Variants in TTC17 observed in about 807,000 individuals in gnomAD.
TTC17 encodes tetratricopeptide repeat protein 17.
In TTC17, 58 loss-of-function variants were observed where a neutral mutation model predicts 143.8. The observed-to-expected ratio is 0.40, with a 90% CI of 0.33 to 0.50. The LOEUF (loss-of-function observed/expected upper bound fraction) is 0.50, where lower values mean the gene tolerates loss of function less well. TTC17 is among the 20% of genes least tolerant of loss of function. The probability of loss-of-function intolerance (pLI) is 0.49; values close to 1 mark genes in which losing one functional copy is unlikely to be tolerated. For synonymous variants in TTC17, 501 were observed against 497.8 expected (o/e 1.01, Z -0.09); for missense variants, 1,273 against 1,392.5 (o/e 0.91, Z 1.37).
chr11:43,456,179 A>G (rs1947758684), intron 21 of TTC17, among the ~76,000 whole-genome samples: 1 of 146,314 alleles, frequency 6.8e-6, no homozygotes, highest in East Asian at 2.0e-4. Context: ...TTAGCACAAT[A>G]ACACACACAC....
intron 2 of TTC17, among the ~76,000 whole-genome samples, chr11:43,380,015 G>A (rs1856906009): frequency 6.6e-6 from 1 of 151,712 alleles, no homozygotes; most frequent in Non-Finnish European, 1.5e-5. Flanking sequence ...GTAAGTTGTA[G>A]AAACATTAAA....
At chr11:43,450,503 T>C (rs1298590188) in intron 20 of TTC17, among the ~76,000 whole-genome samples, 1 of 152,172 alleles carries the variant, frequency 6.6e-6, no homozygotes, top group Non-Finnish European at 1.5e-5. Context: ...TGCCATCAAA[T>C]ACCAACTCTT....
chr11:43,361,978 CT>C (rs35924919), intron 1 of TTC17, among the ~76,000 whole-genome samples: 587 of 134,970 alleles, frequency 4.3e-3, no homozygotes, highest in Middle Eastern at 0.011. Context: ...ATCATTATAA[CT>C]TTTTTTTTTT....
At chr11:43,400,280 A>G (rs1213171775) in intron 9 of TTC17, among the ~76,000 whole-genome samples, 3 of 152,154 alleles carry the variant, frequency 2.0e-5, no homozygotes, top group Non-Finnish European at 4.4e-5. Flanking sequence ...AGTCTTGTAG[A>G]TCCTAGAAGT....
chr11:43,398,247 T>G, intron 8 of TTC17, 134 bp downstream of exon 8: 1 of 1,123,906 alleles, frequency 8.9e-7, no homozygotes. Flanking sequence ...AGTCCTATCC[T>G]TTTTCTGTAA....
intron 16 of TTC17, among the ~76,000 whole-genome samples, chr11:43,423,115 TG>T (rs1240970531): frequency 6.6e-6 from 1 of 152,104 alleles, no homozygotes; most frequent in Non-Finnish European, 1.5e-5. Flanking sequence ...GATGTGATGG[TG>T]GGACTTCTGG....
intron 16 of TTC17, chr11:43,436,468 C>T (rs961350409): frequency 2.0e-5 from 16 of 785,936 alleles, no homozygotes; most frequent in Middle Eastern, 4.2e-4. Context: ...TGAGGGTGAC[C>T]CCTAGGTGGT....
intron 16 of TTC17, among the ~76,000 whole-genome samples, chr11:43,438,577 A>G (rs1438330005): frequency 6.6e-6 from 1 of 152,232 alleles, no homozygotes; most frequent in Non-Finnish European, 1.5e-5. Flanking sequence ...ACTTGCCTTC[A>G]GAAGCCACAA....
At chr11:43,462,921 C>CTTTTTTTTTTTTTT (rs562594929) in intron 21 of TTC17, among the ~76,000 whole-genome samples, 6 of 117,738 alleles carry the variant, frequency 5.1e-5, no homozygotes, top group African/African-American at 1.2e-4. Flanking sequence ...TGACAAAATT[C>CTTTTTTTTTTTTTT]TTTTTTTTTT....
chr11:43,380,530 CAG>C (rs1345852922), intron 2 of TTC17, among the ~76,000 whole-genome samples: 1 of 151,944 alleles, frequency 6.6e-6, no homozygotes, highest in Non-Finnish European at 1.5e-5. Context: ...GCTGGGATTA[CAG>C]GCATGAGTCA....
intron 18 of TTC17, chr11:43,446,327 T>C: frequency 2.8e-6 from 1 of 359,640 alleles, no homozygotes; most frequent in East Asian, 8.4e-5. Context: ...CTCTTTCCTC[T>C]GTGCAATTGT....
intron 1 of TTC17, among the ~76,000 whole-genome samples, chr11:43,369,750 G>C (rs1856490809): frequency 6.6e-6 from 1 of 151,824 alleles, no homozygotes; most frequent in Admixed American, 6.6e-5. Flanking sequence ...CCGAGTAGCT[G>C]GGACTACAGG....
chr11:43,392,975 C>T (rs966177898), intron 5 of TTC17, among the ~76,000 whole-genome samples: 2 of 152,182 alleles, frequency 1.3e-5, no homozygotes, highest in Non-Finnish European at 2.9e-5. Context: ...TAAGCCACAG[C>T]AAAGGCTCTG....
At chr11:43,375,664 A>T (rs1856738430) in intron 1 of TTC17, among the ~76,000 whole-genome samples, 1 of 151,544 alleles carries the variant, frequency 6.6e-6, no homozygotes. Flanking sequence ...AAACAGTGAA[A>T]GTGTTCAGTA....
intron 21 of TTC17, among the ~76,000 whole-genome samples, chr11:43,489,306 C>G (rs1705701736): frequency 1.3e-5 from 2 of 152,184 alleles, no homozygotes; most frequent in Admixed American, 1.3e-4. Context: ...GTCAACTCTA[C>G]TCATAAGAAA....
intron 21 of TTC17, among the ~76,000 whole-genome samples, chr11:43,453,936 A>G (rs979581975): frequency 2.0e-5 from 3 of 152,196 alleles, no homozygotes; most frequent in African/African-American, 7.2e-5. Flanking sequence ...ATTATAGAGT[A>G]TCAGCTGTTT....
At position 43,372,221 on chromosome 11, in the gene TTC17, C is replaced by CA. The variant is rs201134446; in HGVS notation, c.160-7005dup. Among the ~76,000 whole-genome samples, 1,184 of 150,580 alleles carry CA rather than the reference C, an allele frequency of 7.9e-3. 10 individuals carry two copies. Among genetic ancestry groups the CA allele is most frequent in the Non-Finnish European group, 0.014 (917 of 67,652 alleles). Reference sequence around the variant, plus strand: ...AGCAAAAACTGTAAATTTACAAATGCAAAAAAATAGTATAGTTCCTTTAAC... The same window carrying CA: ...AGCAAAAACTGTAAATTTACAAATGCAAAAAAAATAGTATAGTTCCTTTAAC... On this transcript the variant is annotated intron_variant, in intron 1 of 23. Coordinates refer to ENST00000039989, the MANE Select transcript of TTC17 (RefSeq NM_018259.6).
At chr11:43,408,496 G>A (rs1192018825) in intron 15 of TTC17, among the ~76,000 whole-genome samples, 1 of 152,192 alleles carries the variant, frequency 6.6e-6, no homozygotes, top group Non-Finnish European at 1.5e-5. Flanking sequence ...GGGAACAGAT[G>A]TGATAAAGTG....
chr11:43,407,592 G>T lies in TTC17; in HGVS notation c.2064+15G>T, dbSNP rs1858203985. 1.2e-6 allele frequency: 2 copies of T among 1,609,560 alleles called. No individual in the cohort carries two copies. Among genetic ancestry groups the T allele is most frequent in the South Asian group, 1.1e-5 (1 of 90,936 alleles). On this transcript the variant is annotated intron_variant, in intron 15 of 23. Coordinates refer to ENST00000039989, the MANE Select transcript of TTC17 (RefSeq NM_018259.6). Reference sequence around the variant, plus strand: ...ATAGCTCTGAGGTGAGGTTTTAAGGGATTTCATAGTTCCGTATACTATGTA... The same window carrying T: ...ATAGCTCTGAGGTGAGGTTTTAAGGTATTTCATAGTTCCGTATACTATGTA...
Sources: gnomAD v4.1 joint callset for allele counts (sites outside exome capture counted in the v4.1 genomes callset) on GRCh38, gnomAD v4.1.1 for gene constraint, MANE v1.5 for transcripts, NCBI Gene and HGNC (gene_info 2026-07-23, HGNC 2026-07-21) for gene names.